The following EP300 variants were observed in gnomAD, a reference collection of about 807,000 sequenced individuals.
EP300 encodes histone acetyltransferase p300.
EP300 carries 31 observed loss-of-function variants against 264.0 expected under a neutral mutation model. The observed-to-expected ratio is 0.12, with a 90% confidence interval of 0.09 to 0.16. EP300 has a LOEUF of 0.16. Among genes scored for constraint, EP300 ranks in the 10% least tolerant of loss-of-function variants. The pLI is 1.00. For synonymous variants in EP300, 1,340 were observed against 1,045.4 expected, an observed-to-expected ratio of 1.28 and a Z score of -5.44; for missense variants, 2,766 against 3,052.9, an observed-to-expected ratio of 0.91 and a Z score of 2.21.
rs370353369 is a variant in EP300 at position 41,155,124 on chromosome 22, G to A, written c.3261+11G>A. On this transcript the variant is annotated intron_variant, in intron 17 of 30. Coordinates refer to ENST00000263253, the MANE Select transcript of EP300 (RefSeq NM_001429.4). ...CTTTTAGGAATCCCTGTAAGTATTT[G>A]GTGGTACTTTTGATTTTATTTTTTA... 8 of 1,556,764 alleles carry A rather than the reference G, an allele frequency of 5.1e-6. No homozygotes were observed. The African/African-American group carries it at 5.4e-5, about 11-fold the overall frequency.
intron 8 of EP300, among the ~76,000 whole-genome samples, chr22:41,138,861 A>G (rs532781229): frequency 2.6e-5 from 4 of 152,296 alleles, no homozygotes; most frequent in South Asian, 2.1e-4. Flanking sequence ...TGTTATGTCA[A>G]ACTACCAATT....
intron 2 of EP300, among the ~76,000 whole-genome samples, chr22:41,125,290 T>C (rs1425665074): frequency 6.6e-6 from 1 of 151,806 alleles, no homozygotes; most frequent in Non-Finnish European, 1.5e-5. Flanking sequence ...GGCTAATTTT[T>C]TGTATTTTTA....
rs2145770361 is a variant in EP300 at position 41,172,613 on chromosome 22, G to A, written c.4567G>A (p.Glu1523Lys). Residue 1523 changes from glutamate to lysine, a missense_variant, in exon 28 of 31, where the codon GAG (glutamate) becomes AAG (lysine). Coordinates refer to ENST00000263253, the MANE Select transcript of EP300 (RefSeq NM_001429.4). ...AGAAAGCATTAAGGAACTGGAACAG[G>A]AGGAAGAAGAGAGAAAACGAGAGGA... ...LEESIKELEQ[E>K]EEERKREENT... is the part of the protein sequence containing the mutation. The A allele has an allele frequency of 6.2e-7, 1 of 1,614,042 alleles. No individual in the cohort carries two copies. Among genetic ancestry groups the A allele is most frequent in the Non-Finnish European group, 8.5e-7 (1 of 1,179,938 alleles).
intron 1 of EP300, among the ~76,000 whole-genome samples, chr22:41,097,631 T>C (rs1223626323): frequency 6.6e-6 from 1 of 152,236 alleles, no homozygotes; most frequent in Non-Finnish European, 1.5e-5. Context: ...CCAATTCATA[T>C]ACCCAGCAAT....
Position 41,149,045 on chromosome 22 carries a change from G to A in EP300, c.2249G>A (p.Gly750Asp), listed in dbSNP as rs1433543827. Reference sequence around the variant, plus strand: ...GTTTTTTTTTTTTTTCAGCCTATGGGCTATGGGCCTCGTATGCAACAGCCT... The same window carrying A: ...GTTTTTTTTTTTTTTCAGCCTATGGACTATGGGCCTCGTATGCAACAGCCT... Reference protein sequence around the residue: ...AQPGALNPPMGYGPRMQQPSN... With the variant: ...AQPGALNPPMDYGPRMQQPSN... Residue 750 changes from glycine to aspartate, a missense_variant, in exon 13 of 31, where the codon GGC becomes GAC. Physicochemically the swap from Gly to Asp is moderately conservative, Grantham distance 94. Coordinates refer to ENST00000263253, the MANE Select transcript of EP300 (RefSeq NM_001429.4). 2 of 1,612,900 alleles carry A rather than the reference G, an allele frequency of 1.2e-6. No homozygotes were observed. The highest frequency in any genetic ancestry group is 3.3e-5 in the Admixed American group (2 of 59,932).
chr22:41,157,511 GCT>G, intron 18 of EP300, 103 bp downstream of exon 18: 3 of 890,194 alleles, frequency 3.4e-6, no homozygotes, highest in Non-Finnish European at 3.2e-6. Context: ...CTTTGACATG[GCT>G]TTTTTTTTTT....
Position 41,136,669 on chromosome 22 carries a change from AATT to A in EP300, c.1622+770_1622+772del, listed in dbSNP as rs1186721732. Among the ~76,000 whole-genome samples the A allele has an allele frequency of 2.6e-5, 4 of 152,124 alleles. No individual in the cohort carries two copies. The South Asian group carries it at 6.2e-4, about 24-fold the overall frequency. ...GCGAGACTGTGTCTCAAAAGATAAA[AATT>A]ATTATTTTAAAAAGAGAGGTAGTCC... On this transcript the variant is annotated intron_variant, in intron 7 of 30. Coordinates refer to ENST00000263253, the MANE Select transcript of EP300 (RefSeq NM_001429.4).
In EP300 at chr22:41,129,103, T is replaced by C. The variant is rs906599801; in HGVS notation, c.1169-787T>C. On this transcript the variant is annotated intron_variant, in intron 4 of 30. Transcript: ENST00000263253. ...TCAGCTCACCGCAAGCTCCGCCTCC[T>C]GGGTTCATGCCATTCTCCTGCCTCA... 8.6e-5 allele frequency among the ~76,000 whole-genome samples: 13 copies of C among 151,900 alleles called. 1 individual carries two copies. Among genetic ancestry groups the C allele is most frequent in the Admixed American group, 2.6e-4 (4 of 15,236 alleles).
At chr22:41,157,513 T>C (rs1045606463) in intron 18 of EP300, 105 bp downstream of exon 18, 8 of 193,692 alleles carry the variant, frequency 4.1e-5, no homozygotes, top group Non-Finnish European at 7.1e-5. Flanking sequence ...TTGACATGGC[T>C]TTTTTTTTTT....
At chr22:41,103,987 T>C (rs2145680105) in intron 1 of EP300, among the ~76,000 whole-genome samples, 1 of 152,328 alleles carries the variant, frequency 6.6e-6, no homozygotes, top group Middle Eastern at 3.4e-3. Context: ...GTTTGCCAGT[T>C]GTTATAAATG....
rs1242637692 is a variant in EP300, at chr22:41,150,166, G to A, written c.2785G>A (p.Ala929Thr). The change falls in exon 14 of 31, where the codon GCA becomes ACA. Residue 929 changes from alanine to threonine, a missense_variant. Coordinates refer to ENST00000263253, the MANE Select transcript of EP300 (RefSeq NM_001429.4). ...AGCAGCGTCTGTTCCTACCCCAACA[G>A]CACCGCTGCTTCCTCCGCAGCCTGC... ...STAASVPTPT[A>T]PLLPPQPATP... 6.2e-7 allele frequency: 1 copy of A among 1,610,678 alleles called. No homozygotes were observed. The highest frequency in any genetic ancestry group is 8.5e-7 in the Non-Finnish European group (1 of 1,179,682).
rs754552219 is a variant in EP300, at chr22:41,168,571, G to A, written c.3997G>A (p.Val1333Met). The A allele has an allele frequency of 3.7e-6, 6 of 1,614,042 alleles. No homozygotes were observed. Among genetic ancestry groups the A allele is most frequent in the East Asian group, 4.5e-5 (2 of 44,900 alleles). The change falls in exon 24 of 31, where the codon GTG becomes ATG. Residue 1333 changes from valine (V) to methionine (M), a missense_variant. Transcript: ENST00000263253. The part of the protein sequence containing the change: ...VRVVHASDKT[V>M]EVKPGMKARF... The stretch of plus-strand genomic sequence containing the variant: ...AGTAGTTCATGCTTCTGACAAAACC[G>A]TGGAAGTAAAACCAGGCATGAAAGC...
At position 41,176,330 on chromosome 22, in the gene EP300, C is replaced by T. The variant is rs779048506; in HGVS notation, c.4863C>T (p.Cys1621=). 12 of 1,614,094 alleles carry T rather than the reference C, an allele frequency of 7.4e-6. No homozygotes were observed. The Admixed American group carries it at 1.2e-4, about 16-fold the overall frequency. The change falls in exon 30 of 31, where the codon TGC becomes TGT. Residue 1621 remains cysteine, a synonymous_variant. Transcript: ENST00000263253. ...PIVDPDPLIP[C]DLMDGRDAFL... ...TTGATCCTGATCCTCTCATCCCCTGCGATCTGATGGATGGTCGGGATGCGT... is the reference window on the plus strand; with the variant it reads ...TTGATCCTGATCCTCTCATCCCCTGTGATCTGATGGATGGTCGGGATGCGT...
intron 2 of EP300, 109 bp downstream of exon 2, chr22:41,117,930 G>T: frequency 6.5e-7 from 1 of 1,536,054 alleles, no homozygotes. Flanking sequence ...TTACACGCCA[G>T]GAATTTACTG....
At chr22:41,167,580 G>GTATATA (rs2059143120) in intron 23 of EP300, among the ~76,000 whole-genome samples, 6 of 30,176 alleles carry the variant, frequency 2.0e-4, no homozygotes, top group African/African-American at 5.8e-4. Flanking sequence ...GTGTGTGTGT[G>GTATATA]TGTGTATATA....
In EP300 at chr22:41,140,465, C is replaced by T. The variant is rs531233499; in HGVS notation, c.1878+208C>T. On this transcript the variant is annotated intron_variant, in intron 9 of 30. Transcript: ENST00000263253. ...GAATCTTATGTTTTTCCTCCTAATA[C>T]AGTGCACTCATGTGGCACTTTATCT... Among the ~76,000 whole-genome samples, 12 of 152,220 alleles carry T rather than the reference C, an allele frequency of 7.9e-5. No homozygotes were observed. In the South Asian group the frequency reaches 2.1e-3, roughly 26 times the overall value.
intron 1 of EP300, among the ~76,000 whole-genome samples, chr22:41,110,986 A>T (rs1333233826): frequency 8.3e-5 from 12 of 144,420 alleles, no homozygotes; most frequent in Non-Finnish European, 1.5e-4. Flanking sequence ...TAAATTTGAG[A>T]TAGAGTCTCA....
chr22:41,154,715 A>G lies in EP300; in HGVS notation c.3143-280A>G, dbSNP rs536003461. On this transcript the variant is annotated intron_variant, in intron 16 of 30. Coordinates refer to ENST00000263253, the MANE Select transcript of EP300 (RefSeq NM_001429.4). ...AGCCTTTGGATTCTGCTTCTAATTG[A>G]CCGAGTCTGTCTTCACTGACTTTGT... Among the ~76,000 whole-genome samples, 3 of 152,046 alleles carry G rather than the reference A, an allele frequency of 2.0e-5. No individual in the cohort carries two copies. In the South Asian group the frequency reaches 6.2e-4, roughly 32 times the overall value.
At position 41,147,874 on chromosome 22, in the gene EP300, C is replaced by G. The variant is rs919047677; in HGVS notation, c.2169C>G (p.Pro723=). Residue 723 remains proline (P), a synonymous_variant, in exon 12 of 31, where the codon CCC becomes CCG. Coordinates refer to ENST00000263253, the MANE Select transcript of EP300 (RefSeq NM_001429.4). ...TTGGCCAGATGAGCATGGCCCAGCC[C>G]CCTATTGTACCCCGGCAAACCCCTC... ...NQFGQMSMAQ[P]PIVPRQTPPL... 14 of 1,614,000 alleles carry G rather than the reference C, an allele frequency of 8.7e-6. No homozygotes were observed. Among genetic ancestry groups the G allele is most frequent in the African/African-American group, 1.3e-5 (1 of 74,902 alleles).
Sources: allele counts gnomAD v4.1 joint callset (sites outside exome capture counted in the v4.1 genomes callset), GRCh38; gene constraint gnomAD v4.1.1; transcripts MANE v1.5; gene names NCBI Gene and HGNC (gene_info 2026-07-23, HGNC 2026-07-21).